The following COL12A1 variants were observed in gnomAD, a reference collection of about 807,000 sequenced individuals.
The protein encoded by COL12A1 is collagen type XII alpha 1 chain.
COL12A1 carries 114 observed loss-of-function variants against 349.7 expected under a neutral mutation model. The observed-to-expected ratio is 0.33, with a 90% CI of 0.28 to 0.38. COL12A1 has a LOEUF of 0.38. COL12A1 is among the 10% of genes least tolerant of loss of function. The pLI is 1.00. For synonymous variants in COL12A1, 1,369 were observed against 1,329.0 expected (o/e 1.03, Z -0.66); for missense variants, 3,284 against 3,756.9 (o/e 0.87, Z 3.29).
intron 26 of COL12A1, 49 bp from the exon 27 acceptor site, chr6:75,142,210 T>G (rs745833765): frequency 6.2e-7 from 1 of 1,607,692 alleles, no homozygotes; most frequent in Admixed American, 1.7e-5. Context: ...GGGTTTACTT[T>G]TGACATCTCT....
At chr6:75,165,261 A>T (rs1280420783) in intron 14 of COL12A1, among the ~76,000 whole-genome samples, 1 of 151,936 alleles carries the variant, frequency 6.6e-6, no homozygotes, top group East Asian at 1.9e-4. Context: ...CTAGTCAATC[A>T]TTGCACCAGA....
chr6:75,203,739 T>A (rs1770640422), intron 1 of COL12A1, among the ~76,000 whole-genome samples: 1 of 152,186 alleles, frequency 6.6e-6, no homozygotes, highest in South Asian at 2.1e-4. Context: ...GTCTACAGAA[T>A]GGAATCTCCT....
Position 75,123,398 on chromosome 6 carries a change from T to C in COL12A1, c.6878A>G (p.Lys2293Arg), listed in dbSNP as rs1053454286. The change falls in exon 43 of 66, where the codon AAA becomes AGA. Residue 2293 changes from lysine (K) to arginine (R), a missense_variant. Lys to Arg is a conservative substitution (Grantham distance 26). Coordinates refer to ENST00000322507, the MANE Select transcript of COL12A1 (RefSeq NM_004370.6). ...TGGCTCTGTAGGGGCTTCTGTTGGT[T>C]TCACAGCTAAAATTTAAAAATAATA... ...GVSVKEHTTV[K>R]PTEAPTEPPT... 3.8e-6 allele frequency: 6 copies of C among 1,573,558 alleles called. No homozygotes were observed. The African/African-American group carries it at 8.2e-5, about 21-fold the overall frequency.
chr6:75,196,590 C>A (rs1770238772), intron 2 of COL12A1, among the ~76,000 whole-genome samples: 1 of 152,160 alleles, frequency 6.6e-6, no homozygotes, highest in Non-Finnish European at 1.5e-5. Flanking sequence ...AATTACTCAA[C>A]ATTCTTCAGT....
chr6:75,177,790 G>T lies in COL12A1; in HGVS notation c.2310C>A (p.Thr770=), dbSNP rs1769042267. 6.2e-7 allele frequency: 1 copy of T among 1,613,830 alleles called. No individual in the cohort carries two copies. Among genetic ancestry groups the T allele is most frequent in the African/African-American group, 1.3e-5 (1 of 74,830 alleles). ...VAGGESREVT[T]PPNQRRRTLE... ...GTGTTCTCCTCCTCTGATTGGGTGG[G>T]GTGGTAACTTCTCTGCTCTCTCCAC... Residue 770 remains threonine, a synonymous_variant, in exon 12 of 66, where the codon ACC becomes ACA. Transcript: ENST00000322507.
intron 51 of COL12A1, among the ~76,000 whole-genome samples, chr6:75,109,633 T>C (rs1490143131): frequency 6.6e-6 from 1 of 152,110 alleles, no homozygotes; most frequent in East Asian, 1.9e-4. Flanking sequence ...CTGCATACCA[T>C]ATAGATACCT....
intron 53 of COL12A1, among the ~76,000 whole-genome samples, chr6:75,105,643 A>T (rs1194124022): frequency 2.0e-5 from 3 of 151,952 alleles, no homozygotes; most frequent in African/African-American, 7.3e-5. Context: ...CATTATCCAC[A>T]TTGTTTTGTC....
chr6:75,195,934 T>G (rs1562322662), intron 2 of COL12A1, among the ~76,000 whole-genome samples: 1 of 152,180 alleles, frequency 6.6e-6, no homozygotes, highest in Non-Finnish European at 1.5e-5. Flanking sequence ...CTTGGAAAAG[T>G]CAATGACAGG....
At chr6:75,117,690 T>C (rs1476462441) in intron 46 of COL12A1, 144 bp from the exon 47 acceptor site, 2 of 690,054 alleles carry the variant, frequency 2.9e-6, no homozygotes, top group Non-Finnish European at 4.6e-6. Context: ...TGAACTCTCT[T>C]TAATAAATAC....
intron 44 of COL12A1, among the ~76,000 whole-genome samples, chr6:75,120,940 T>G (rs1344757426): frequency 6.6e-6 from 1 of 152,180 alleles, no homozygotes; most frequent in African/African-American, 2.4e-5. Context: ...TATCACTGAT[T>G]CTTCTAACTT....
At chr6:75,165,413 A>G in intron 14 of COL12A1, 94 bp downstream of exon 14, 2 of 1,471,342 alleles carry the variant, frequency 1.4e-6, no homozygotes, top group Non-Finnish European at 1.8e-6. Context: ...CATGTAAAGA[A>G]AAAACATTCA....
chr6:75,100,961 C>A (rs1034367228), intron 58 of COL12A1, among the ~76,000 whole-genome samples: 1 of 152,144 alleles, frequency 6.6e-6, no homozygotes, highest in African/African-American at 2.4e-5. Context: ...TCCTATGGAA[C>A]CAAATATTTC....
Position 75,192,503 on chromosome 6 carries a change from T to C in COL12A1, c.191-148A>G, listed in dbSNP as rs1011220559. The C allele has an allele frequency of 1.7e-5, 11 of 638,208 alleles. No individual in the cohort carries two copies. In the African/African-American group the frequency reaches 2.1e-4, roughly 12 times the overall value. The allele number at this position is 638,208 out of a possible 1,614,324, so 39.5% of individuals were successfully genotyped here. On this transcript the variant is annotated intron_variant, in intron 3 of 65. Coordinates refer to ENST00000322507, the MANE Select transcript of COL12A1 (RefSeq NM_004370.6). ...ACTCAAACATTATTTTTTACTGCCT[T>C]CCAAAACTAAAATTTTGAATTTTAG... is the stretch of plus-strand genomic sequence containing the variant.
In COL12A1 at chr6:75,155,744, A is replaced by C. The variant is rs1214248066; in HGVS notation, c.3361T>G (p.Phe1121Val). The C allele has an allele frequency of 6.2e-7, 1 of 1,613,580 alleles. No individual in the cohort carries two copies. Among genetic ancestry groups the C allele is most frequent in the East Asian group, 2.2e-5 (1 of 44,836 alleles). Residue 1121 changes from phenylalanine to valine, a missense_variant, in exon 16 of 66, where the codon TTC becomes GTC. Physicochemically the swap from Phe to Val is conservative, Grantham distance 50 (BLOSUM62 -1). Coordinates refer to ENST00000322507, the MANE Select transcript of COL12A1 (RefSeq NM_004370.6). ...CTTCTGTCATCCCCCGTAGGGTGGA[A>C]TGTGACTTTATAACCCTTCACTTCC... ...PGEVKGYKVTFHPTGDDRRLG... is the reference protein window; with the variant it reads ...PGEVKGYKVTVHPTGDDRRLG...
chr6:75,152,466 G>C lies in COL12A1; in HGVS notation c.3582C>G (p.Thr1194=). The C allele has an allele frequency of 1.9e-6, 3 of 1,613,320 alleles. No homozygotes were observed. Among genetic ancestry groups the C allele is most frequent in the Non-Finnish European group, 2.5e-6 (3 of 1,179,566 alleles). ...PILSSGMECL[T]RAEADIVLLV... ...GCAACACAATGTCTGCCTCAGCTCT[G>C]GTGAGACACTCCATCCCTGACATGG... Residue 1194 remains threonine, a synonymous_variant, in exon 18 of 66, where the codon ACC becomes ACG. Coordinates refer to ENST00000322507, the MANE Select transcript of COL12A1 (RefSeq NM_004370.6).
chr6:75,102,066 TG>T lies in COL12A1; in HGVS notation c.8416-15del. The T allele has an allele frequency of 6.2e-7, 1 of 1,613,034 alleles. No homozygotes were observed. The highest frequency in any genetic ancestry group is 1.1e-5 in the South Asian group (1 of 90,896). Reference sequence around the variant, plus strand: ...CCCTTGGCGACCCTAGAGTGAGCAATGGGAAAACAGTTCTCAGGCGTTTCAC... The same window carrying T: ...CCCTTGGCGACCCTAGAGTGAGCAATGGAAAACAGTTCTCAGGCGTTTCAC... On this transcript the variant is annotated splice_polypyrimidine_tract_variant and intron_variant, in intron 56 of 65. Coordinates refer to ENST00000322507, the MANE Select transcript of COL12A1 (RefSeq NM_004370.6).
chr6:75,203,065 C>T (rs547402045), intron 1 of COL12A1, among the ~76,000 whole-genome samples: 1 of 152,324 alleles, frequency 6.6e-6, no homozygotes, highest in South Asian at 2.1e-4. Context: ...CTCCTGGAGA[C>T]TGGTCCTGCT....
At chr6:75,088,301 C>A (rs976381105) in intron 64 of COL12A1, among the ~76,000 whole-genome samples, 1 of 152,142 alleles carries the variant, frequency 6.6e-6, no homozygotes, top group African/African-American at 2.4e-5. Context: ...TGTAGTAGTC[C>A]TATCCAAAAT....
In COL12A1 at chr6:75,102,026, A is replaced by G. The variant is rs1265973626; in HGVS notation, c.8442T>C (p.Ala2814=). The G allele has an allele frequency of 6.2e-7, 1 of 1,614,092 alleles. No individual in the cohort carries two copies. The highest frequency in any genetic ancestry group is 1.3e-5 in the African/African-American group (1 of 74,936). ...TTCGGCCTGGAAGTCCTGGCTCTCC[A>G]GCATCACCTTTCATCCCTTGGCGAC... The part of the protein sequence containing the change: ...EQGRQGMKGD[A]GEPGLPGRTG... The change falls in exon 57 of 66, where the codon GCT becomes GCC. Residue 2814 remains alanine, a synonymous_variant. Coordinates refer to ENST00000322507, the MANE Select transcript of COL12A1 (RefSeq NM_004370.6).
Sources: gnomAD v4.1 joint callset for allele counts (sites outside exome capture counted in the v4.1 genomes callset) on GRCh38, gnomAD v4.1.1 for gene constraint, MANE v1.5 for transcripts, NCBI Gene and HGNC (gene_info 2026-07-23, HGNC 2026-07-21) for gene names.